The following KLRG1 variants were observed in gnomAD, a reference collection of about 807,000 sequenced individuals.
KLRG1 encodes the protein killer cell lectin like receptor G1.
Under a neutral mutation model 21.8 loss-of-function variants are expected in KLRG1, and 16 were observed. That is an observed-to-expected ratio of 0.73 (90% CI 0.50 to 1.11). The LOEUF (loss-of-function observed/expected upper bound fraction) is 1.11, where lower values mean the gene tolerates loss of function less well. Among genes scored for constraint, KLRG1 ranks in the 50% most tolerant of loss-of-function variants. The pLI is 0.00. For missense variants in KLRG1, 173 were observed against 218.3 expected, an observed-to-expected ratio of 0.79 and a Z score of 1.31; for synonymous variants, 69 against 75.9, an observed-to-expected ratio of 0.91 and a Z score of 0.47.
At chr12:9,206,759 T>C in the KLRG1 span, among the ~76,000 whole-genome samples, 1 of 152,074 alleles carries the variant, frequency 6.6e-6, no homozygotes, top group Admixed American at 6.6e-5. Context: ...AACTAGGGCA[T>C]GAGGCTTGTT....
At chr12:9,117,321 G>C in the KLRG1 span, among the ~76,000 whole-genome samples, 34 of 152,314 alleles carry the variant, frequency 2.2e-4, 1 homozygote, top group South Asian at 8.3e-4. Flanking sequence ...AGGGCAGCTA[G>C]AAAGAGGTGA....
At chr12:9,089,953 T>C in the KLRG1 span, 3 of 1,612,634 alleles carry the variant, frequency 1.9e-6, no homozygotes, top group Non-Finnish European at 2.5e-6. Context: ...GTTCAGGAAC[T>C]GAAGGCACCT....
chr12:9,208,284 C>A, the KLRG1 span: 26 of 1,613,462 alleles, frequency 1.6e-5, no homozygotes, highest in Non-Finnish European at 1.9e-5. Context: ...GAGTCACTGG[C>A]AGAAAGCAGG....
chr12:9,128,977 T>C, the KLRG1 span, among the ~76,000 whole-genome samples: 1,401 of 152,324 alleles, frequency 9.2e-3, 25 homozygotes, highest in African/African-American at 0.032. Flanking sequence ...ACCTGGACTA[T>C]ACTATCTTGA....
chr12:9,165,109 A>T, the KLRG1 span: 5 of 1,601,264 alleles, frequency 3.1e-6, no homozygotes, highest in Non-Finnish European at 3.4e-6. Flanking sequence ...TGTTCTACCC[A>T]CCTTTCCTGT....
At chr12:9,188,930 A>G in the KLRG1 span, among the ~76,000 whole-genome samples, 2 of 152,190 alleles carry the variant, frequency 1.3e-5, no homozygotes, top group African/African-American at 2.4e-5. Flanking sequence ...AAGAATCAGT[A>G]TGAAAATGGT....
chr12:9,008,289 T>G (rs771448500), intron 3 of KLRG1, among the ~76,000 whole-genome samples: 1 of 152,350 alleles, frequency 6.6e-6, no homozygotes, highest in African/African-American at 2.4e-5. Context: ...TCTGAATACC[T>G]ATCAGGTGCT....
At chr12:8,971,990 G>T (rs1431292824) in intron 1 of KLRG1, among the ~76,000 whole-genome samples, 1 of 152,132 alleles carries the variant, frequency 6.6e-6, no homozygotes, top group African/African-American at 2.4e-5. Context: ...CCTTTGCAGT[G>T]CAGAAGCTTT....
At chr12:9,204,382 T>C in the KLRG1 span, among the ~76,000 whole-genome samples, 1 of 152,202 alleles carries the variant, frequency 6.6e-6, no homozygotes, top group Non-Finnish European at 1.5e-5. Flanking sequence ...AAAATCTGTC[T>C]AGATAAACAT....
chr12:9,196,889 T>C, the KLRG1 span: 1 of 844,982 alleles, frequency 1.2e-6, no homozygotes, highest in South Asian at 1.7e-5. Context: ...AGAACAGAAA[T>C]TCGTTTTTTG....
Position 9,008,959 on chromosome 12 carries a change from TCAACC to T in KLRG1, c.358-15_358-11del. The T allele has an allele frequency of 3.1e-6, 5 of 1,596,688 alleles. No homozygotes were observed. Among genetic ancestry groups the T allele is most frequent in the Admixed American group, 3.6e-5 (2 of 56,234 alleles). ...TGACACTAGGTCCCTTTTTTGGTTTTCAACCTCTCCCTTAGAGCCTGCTCCAAGTT... is the reference window on the plus strand; with the variant it reads ...TGACACTAGGTCCCTTTTTTGGTTTTTCTCCCTTAGAGCCTGCTCCAAGTT... On this transcript the variant is annotated splice_polypyrimidine_tract_variant and intron_variant, in intron 3 of 4. Coordinates refer to ENST00000356986, the MANE Select transcript of KLRG1 (RefSeq NM_005810.4).
upstream of KLRG1, among the ~76,000 whole-genome samples, chr12:8,987,641 C>T (rs1450440405): frequency 6.6e-6 from 1 of 152,146 alleles, no homozygotes; most frequent in African/African-American, 2.4e-5. Context: ...AACCCTGTAC[C>T]CATTAAGCAA....
chr12:9,031,241 A>G, the KLRG1 span, among the ~76,000 whole-genome samples: 1 of 152,222 alleles, frequency 6.6e-6, no homozygotes, highest in Non-Finnish European at 1.5e-5. Flanking sequence ...TTTGAAAACA[A>G]CAGTTCAGTT....
At chr12:9,008,170 A>G (rs923128650) in intron 3 of KLRG1, among the ~76,000 whole-genome samples, 1 of 152,156 alleles carries the variant, frequency 6.6e-6, no homozygotes, top group Non-Finnish European at 1.5e-5. Context: ...CTCAGTGGGG[A>G]AAAAAACAAG....
chr12:9,074,892 C>A, the KLRG1 span: 2 of 1,140,766 alleles, frequency 1.8e-6, no homozygotes, highest in Non-Finnish European at 2.5e-6. Context: ...CATTATAATC[C>A]CCTGTACTGT....
chr12:8,984,638 A>G (rs746674099), upstream of KLRG1, among the ~76,000 whole-genome samples: 104 of 152,218 alleles, frequency 6.8e-4, no homozygotes, highest in African/African-American at 2.5e-3. Flanking sequence ...TACTTCTCTG[A>G]GATTCTTCAA....
chr12:9,197,098 C>T, the KLRG1 span: 1 of 1,612,834 alleles, frequency 6.2e-7, no homozygotes, highest in Non-Finnish European at 8.5e-7. Context: ...GTTGCAAGTC[C>T]TGGGACAGGC....
chr12:9,148,982 C>A, the KLRG1 span: 1 of 1,611,276 alleles, frequency 6.2e-7, no homozygotes, highest in Non-Finnish European at 8.5e-7. Flanking sequence ...TCAAACATTT[C>A]CATGCTCTGT....
chr12:9,022,394 T>C, the KLRG1 span, among the ~76,000 whole-genome samples: 1 of 152,148 alleles, frequency 6.6e-6, no homozygotes, highest in African/African-American at 2.4e-5. Context: ...GTATACATGG[T>C]TCTTTGTTGA....
Sources: allele counts gnomAD v4.1 joint callset (sites outside exome capture counted in the v4.1 genomes callset), GRCh38; gene constraint gnomAD v4.1.1; transcripts MANE v1.5; gene names NCBI Gene and HGNC (gene_info 2026-07-23, HGNC 2026-07-21).